Variants in RERG observed in about 807,000 individuals in gnomAD.
RERG encodes RAS like estrogen regulated growth inhibitor.
RERG carries 25 observed loss-of-function variants against 23.2 expected under a neutral mutation model. The ratio of observed to expected loss-of-function variants is 1.08; its 90% CI spans 0.79 to 1.50. The LOEUF (loss-of-function observed/expected upper bound fraction) is 1.50, where lower values mean the gene tolerates loss of function less well. Among genes scored for constraint, RERG ranks in the 40% most tolerant of loss-of-function variants. The pLI, the probability that RERG is intolerant of heterozygous loss-of-function variation, is 0.00. For missense variants in RERG, 253 were observed against 250.1 expected (o/e 1.01, Z -0.08); for synonymous variants, 81 against 89.1 (o/e 0.91, Z 0.51).
chr12:15,117,142 C>T (rs1477883273), intron 3 of RERG, among the ~76,000 whole-genome samples: 6 of 136,824 alleles, frequency 4.4e-5, no homozygotes, highest in Admixed American at 7.4e-5. Context: ...ACTGATTTAG[C>T]TTTTTTTTTT....
intron 3 of RERG, among the ~76,000 whole-genome samples, chr12:15,118,589 C>A (rs1390149119): frequency 6.6e-6 from 1 of 152,134 alleles, no homozygotes; most frequent in Non-Finnish European, 1.5e-5. Flanking sequence ...GAGGTGAGGC[C>A]TGGTGGGAGG....
intron 2 of RERG, among the ~76,000 whole-genome samples, chr12:15,136,675 T>A (rs182197814): frequency 2.2e-4 from 33 of 152,156 alleles, no homozygotes; most frequent in Middle Eastern, 6.8e-3. Context: ...TAGAAGTGTG[T>A]TGTTGAGTCT....
chr12:15,144,042 G>C (rs1591645845), intron 2 of RERG, among the ~76,000 whole-genome samples: 1 of 152,234 alleles, frequency 6.6e-6, no homozygotes, highest in East Asian at 1.9e-4. Context: ...AGGGCAAGTG[G>C]AAGAAGAAGA....
In RERG at chr12:15,135,703, T is replaced by TTCATC. The variant is rs1864133589; in HGVS notation, c.62-14585_62-14584insGATGA. Among the ~76,000 whole-genome samples the TTCATC allele has an allele frequency of 2.0e-5, 3 of 151,930 alleles. No homozygotes were observed. The East Asian group carries it at 5.8e-4, about 29-fold the overall frequency. The stretch of plus-strand genomic sequence containing the variant: ...ATTCTTCAGCCTTGATTTGATAAAT[T>TTCATC]AGTTAATTTTTGAATGTCAACCGGT... On this transcript the variant is annotated intron_variant, in intron 2 of 4. Transcript: ENST00000256953.
chr12:15,155,834 T>C (rs998587081), intron 2 of RERG, among the ~76,000 whole-genome samples: 2 of 149,944 alleles, frequency 1.3e-5, no homozygotes, highest in Non-Finnish European at 3.0e-5. Flanking sequence ...TGTAAACCAT[T>C]TGTGCACAGC....
chr12:15,195,445 G>A (rs1487861982), intron 2 of RERG, among the ~76,000 whole-genome samples: 1 of 152,036 alleles, frequency 6.6e-6, no homozygotes, highest in Non-Finnish European at 1.5e-5. Context: ...TTTTCCTCTT[G>A]CTAAGTAGGT....
At position 15,221,394 on chromosome 12, in the gene RERG, T is replaced by G. The variant is rs1565542184; in HGVS notation, c.-314A>C. The stretch of plus-strand genomic sequence containing the variant: ...CGGGGGTCTCCTCACTCGCGCTCGC[T>G]CCGACTAGCGGCGGAGGGACTGCGG... On this transcript the variant is annotated 5_prime_UTR_variant, in exon 1 of 5. Transcript: ENST00000256953. The G allele has an allele frequency of 6.6e-6, 1 of 152,172 alleles. No individual in the cohort carries two copies. The highest frequency in any genetic ancestry group is 1.5e-5 in the Non-Finnish European group (1 of 68,056). 9.4% of individuals were successfully genotyped at this position (152,172 alleles called of 1,614,324 possible).
At position 15,107,804 on chromosome 12, in the gene RERG, CT is replaced by C. The variant is rs1239836316; in HGVS notation, c.*1305del. On this transcript the variant is annotated 3_prime_UTR_variant, in exon 5 of 5. Transcript: ENST00000256953. ...AATATGACAGAATGAGAAAATTATG[CT>C]TTTTATTATAGTCACATAAAATAAA... The C allele has an allele frequency of 6.6e-6, 1 of 152,498 alleles. No homozygotes were observed. Among genetic ancestry groups the C allele is most frequent in the Non-Finnish European group, 1.5e-5 (1 of 67,980 alleles). 9.4% of individuals were successfully genotyped at this position (152,498 alleles called of 1,614,324 possible). A position where few individuals can be genotyped will look rare whatever the true frequency, so the allele number is the denominator to read the frequency against.
intron 2 of RERG, among the ~76,000 whole-genome samples, chr12:15,208,234 TTGAA>T (rs984230480): frequency 5.3e-5 from 8 of 152,128 alleles, no homozygotes; most frequent in Admixed American, 5.2e-4. Context: ...GACAATTGCT[TTGAA>T]TGAATGAATG....
chr12:15,117,947 T>C (rs536473044), intron 3 of RERG, among the ~76,000 whole-genome samples: 16 of 152,134 alleles, frequency 1.1e-4, no homozygotes, highest in Non-Finnish European at 2.2e-4. Context: ...ATGTGGTTCA[T>C]AGACATCTGT....
chr12:15,184,730 C>T (rs1035432091), intron 2 of RERG, among the ~76,000 whole-genome samples: 1 of 152,144 alleles, frequency 6.6e-6, no homozygotes, highest in African/African-American at 2.4e-5. Flanking sequence ...ATTGCCAAGT[C>T]AGCTTGTGGG....
intron 2 of RERG, among the ~76,000 whole-genome samples, chr12:15,156,555 G>A (rs1591651395): frequency 6.6e-6 from 1 of 152,292 alleles, no homozygotes; most frequent in African/African-American, 2.4e-5. Context: ...TTCACAAGAA[G>A]TAACATTGTG....
chr12:15,143,335 T>TA (rs55947047), intron 2 of RERG, among the ~76,000 whole-genome samples: 202 of 18,302 alleles, frequency 0.011, no homozygotes, highest in Non-Finnish European at 0.023. Context: ...TATGTAAATA[T>TA]ATACATACAC....
chr12:15,155,924 A>G (rs1194946600), intron 2 of RERG, among the ~76,000 whole-genome samples: 1 of 151,136 alleles, frequency 6.6e-6, no homozygotes, highest in African/African-American at 2.4e-5. Context: ...ACTATGATGA[A>G]ATATGGCACA....
chr12:15,140,754 G>A (rs1337442650), intron 2 of RERG, among the ~76,000 whole-genome samples: 3 of 151,940 alleles, frequency 2.0e-5, no homozygotes, highest in African/African-American at 7.3e-5. Context: ...GGGTTCTGAT[G>A]AGTCTGCTAT....
At chr12:15,149,325 T>C (rs185948595) in intron 2 of RERG, among the ~76,000 whole-genome samples, 10 of 152,324 alleles carry the variant, frequency 6.6e-5, no homozygotes, top group Admixed American at 5.2e-4. Context: ...TGAATTCTGA[T>C]ACTTAATTCT....
rs759278546 is a variant in RERG, at chr12:15,193,840, C to G, written c.61+23589G>C. ...AATGAGAGAAATCTGCCTTAGAACG[C>G]TTTGGCTATCATTTCCCCTGGATGT... On this transcript the variant is annotated intron_variant, in intron 2 of 4. Coordinates refer to ENST00000256953, the MANE Select transcript of RERG (RefSeq NM_032918.3). Among the ~76,000 whole-genome samples the G allele has an allele frequency of 3.6e-4, 55 of 152,064 alleles. 1 individual carries two copies. Among genetic ancestry groups the G allele is most frequent in the Non-Finnish European group, 7.2e-4 (49 of 68,006 alleles).
In RERG at chr12:15,206,467, T is replaced by A. The variant is rs1050739486; in HGVS notation, c.61+10962A>T. Among the ~76,000 whole-genome samples the A allele has an allele frequency of 2.0e-5, 3 of 152,066 alleles. No individual in the cohort carries two copies. The South Asian group carries it at 6.2e-4, about 32-fold the overall frequency. On this transcript the variant is annotated intron_variant, in intron 2 of 4. Coordinates refer to ENST00000256953, the MANE Select transcript of RERG (RefSeq NM_032918.3). Reference sequence around the variant, plus strand: ...TGAAGCTGAAAACACATACCTCAAATGGAAATTGAGTACTCAGCAAACTTA... The same window carrying A: ...TGAAGCTGAAAACACATACCTCAAAAGGAAATTGAGTACTCAGCAAACTTA...
chr12:15,213,865 C>T (rs1286901895), intron 2 of RERG, among the ~76,000 whole-genome samples: 4 of 152,136 alleles, frequency 2.6e-5, no homozygotes, highest in Admixed American at 2.6e-4. Context: ...TTATTGGTGA[C>T]ACTAATATAT....
Sources: gnomAD v4.1 joint callset for allele counts (sites outside exome capture counted in the v4.1 genomes callset) on GRCh38, gnomAD v4.1.1 for gene constraint, MANE v1.5 for transcripts, NCBI Gene and HGNC (gene_info 2026-07-23, HGNC 2026-07-21) for gene names.